The following SLIT1 variants were observed in gnomAD, a reference collection of about 807,000 sequenced individuals.
SLIT1 encodes the protein slit guidance ligand 1.
In SLIT1, 66 loss-of-function variants were observed where a neutral mutation model predicts 186.1. The observed-to-expected ratio is 0.35, with a 90% CI of 0.29 to 0.44. The LOEUF is 0.44. Ranked by LOEUF, SLIT1 falls within the 20% of genes least tolerant of loss-of-function variation. SLIT1 has a pLI of 1.00. For synonymous variants in SLIT1, 761 were observed against 833.8 expected, an observed-to-expected ratio of 0.91 and a Z score of 1.50; for missense variants, 1,638 against 2,037.4, an observed-to-expected ratio of 0.80 and a Z score of 3.77.
chr10:97,152,561 T>G (rs1849893195), intron 4 of SLIT1, among the ~76,000 whole-genome samples: 1 of 152,240 alleles, frequency 6.6e-6, no homozygotes, highest in Non-Finnish European at 1.5e-5. Flanking sequence ...TTACTATCTG[T>G]ATCTCACAGA....
intron 11 of SLIT1, 118 bp downstream of exon 11, chr10:97,059,342 C>A: frequency 1.2e-6 from 1 of 800,622 alleles, no homozygotes; most frequent in Non-Finnish European, 2.1e-6. Flanking sequence ...TGGGCAGGGG[C>A]TGTGTGGAGG....
chr10:97,010,879 C>A lies in SLIT1; in HGVS notation c.3341+114G>T. Reference sequence around the variant, plus strand: ...GAGCCACGGTTAAAACCCCAGCATCCAACTTCCAGGCTCTGACCCACACCC... The same window carrying A: ...GAGCCACGGTTAAAACCCCAGCATCAAACTTCCAGGCTCTGACCCACACCC... On this transcript the variant is annotated intron_variant, in intron 31 of 36. Coordinates refer to ENST00000266058, the MANE Select transcript of SLIT1 (RefSeq NM_003061.3). This position sits in a 1 kb window ranked among gnomAD's most constrained non-coding sequence, Gnocchi z 4.8. 2 of 1,019,782 alleles carry A rather than the reference C, an allele frequency of 2.0e-6. No individual in the cohort carries two copies. The highest frequency in any genetic ancestry group is 5.0e-5 in the East Asian group (2 of 39,786). 63.2% of individuals were successfully genotyped at this position (1,019,782 alleles called of 1,614,324 possible). A position where few individuals can be genotyped will look rare whatever the true frequency, so the allele number is the denominator to read the frequency against.
intron 4 of SLIT1, among the ~76,000 whole-genome samples, chr10:97,156,851 C>T (rs964330930): frequency 6.6e-6 from 1 of 151,834 alleles, no homozygotes; most frequent in African/African-American, 2.4e-5. Flanking sequence ...ACCCATAGCT[C>T]CTTCAGGGAC....
At position 97,014,004 on chromosome 10, in the gene SLIT1, C is replaced by T; in HGVS notation, c.3109+15G>A. Reference sequence around the variant, plus strand: ...TCCCCACCTCCCCCAGACACTGCTGCCCTGACGCACTTACCCTCATACTGC... The same window carrying T: ...TCCCCACCTCCCCCAGACACTGCTGTCCTGACGCACTTACCCTCATACTGC... On this transcript the variant is annotated intron_variant, in intron 29 of 36. Transcript: ENST00000266058. The T allele has an allele frequency of 6.2e-7, 1 of 1,612,174 alleles. No individual in the cohort carries two copies. The highest frequency in any genetic ancestry group is 8.5e-7 in the Non-Finnish European group (1 of 1,179,810).
At chr10:97,041,763 G>A (rs899748330) in intron 20 of SLIT1, among the ~76,000 whole-genome samples, 4 of 152,088 alleles carry the variant, frequency 2.6e-5, no homozygotes, top group Non-Finnish European at 5.9e-5. Flanking sequence ...GAGCCTCCGC[G>A]CCTGGCCTGT....
In SLIT1 at chr10:97,010,953, C is replaced by A. The variant is rs766142461; in HGVS notation, c.3341+40G>T. On this transcript the variant is annotated intron_variant, in intron 31 of 36. Coordinates refer to ENST00000266058, the MANE Select transcript of SLIT1 (RefSeq NM_003061.3). The surrounding 1 kb of genome is among the most constrained non-coding windows in gnomAD (Gnocchi z 4.8). ...CTCCTGCCAGCCCAGGGGCTGACAG[C>A]CACAAGGAGTCACTCCTAGTGTGTC... is the stretch of plus-strand genomic sequence containing the variant. 6.3e-7 allele frequency: 1 copy of A among 1,597,420 alleles called. No individual in the cohort carries two copies. Among genetic ancestry groups the A allele is most frequent in the Non-Finnish European group, 8.5e-7 (1 of 1,169,900 alleles).
chr10:97,080,599 C>T (rs766242633), intron 4 of SLIT1, among the ~76,000 whole-genome samples: 5 of 152,230 alleles, frequency 3.3e-5, no homozygotes, highest in Non-Finnish European at 5.9e-5. Context: ...CCAAGCTCCA[C>T]CATTCCTCTG....
chr10:97,088,003 A>G (rs976269664), intron 4 of SLIT1, among the ~76,000 whole-genome samples: 2 of 151,974 alleles, frequency 1.3e-5, no homozygotes, highest in Non-Finnish European at 2.9e-5. Flanking sequence ...TAATAAGGCG[A>G]TTTGTGCGTG....
chr10:97,064,758 T>A (rs1848928177), intron 6 of SLIT1, 47 bp downstream of exon 6: 7 of 1,455,996 alleles, frequency 4.8e-6, no homozygotes, highest in Non-Finnish European at 5.6e-6. Flanking sequence ...GGCACCTGCC[T>A]AGCAGGGCCC....
intron 9 of SLIT1, 107 bp downstream of exon 9, chr10:97,060,533 G>A (rs1848883437): frequency 7.3e-7 from 1 of 1,374,672 alleles, no homozygotes; most frequent in Admixed American, 2.0e-5. Context: ...GCCACTGAGG[G>A]GTTGGGGCAA....
chr10:97,121,282 G>A (rs557156835), intron 4 of SLIT1, among the ~76,000 whole-genome samples: 6 of 152,222 alleles, frequency 3.9e-5, no homozygotes, highest in East Asian at 3.9e-4. Context: ...GAGAAGCCAC[G>A]CTGAAGGCAG....
intron 4 of SLIT1, among the ~76,000 whole-genome samples, chr10:97,097,864 T>G (rs1417000781): frequency 6.6e-6 from 1 of 152,254 alleles, no homozygotes; most frequent in Non-Finnish European, 1.5e-5. Context: ...CGTACTTCTC[T>G]GCCATGCCCT....
At position 97,002,227 on chromosome 10, in the gene SLIT1, G is replaced by T; in HGVS notation, c.4297C>A (p.Gln1433Lys). 1 of 1,589,242 alleles carries T rather than the reference G, an allele frequency of 6.3e-7. No homozygotes were observed. Among genetic ancestry groups the T allele is most frequent in the Non-Finnish European group, 8.6e-7 (1 of 1,165,804 alleles). Residue 1433 changes from glutamine to lysine, a missense_variant, in exon 36 of 37, where the codon CAG becomes AAG. This residue lies in a region of SLIT1 where 220 missense variants were observed against 211.3 expected (regional missense o/e 1.04). Transcript: ENST00000266058. ...TGTGCCCCCTTGGTGCCTGAGGCCT[G>T]GCAGTGGCCATGCAGGCACTGCAGG... ...RGLQCLHGHCQASGTKGAHCV... is the reference protein window; with the variant it reads ...RGLQCLHGHCKASGTKGAHCV...
chr10:97,056,244 G>A, intron 13 of SLIT1, 77 bp downstream of exon 13: 4 of 1,516,602 alleles, frequency 2.6e-6, no homozygotes, highest in Non-Finnish European at 3.6e-6. Flanking sequence ...CCGGAGAGCT[G>A]CCTGTCCCTG....
chr10:97,125,977 GAAGA>G (rs1019677267), intron 4 of SLIT1, among the ~76,000 whole-genome samples: 54 of 152,280 alleles, frequency 3.5e-4, no homozygotes, highest in African/African-American at 1.3e-3. Flanking sequence ...CTCCCATTCT[GAAGA>G]AAGAGAGAGA....
chr10:97,135,746 T>C (rs890115779), intron 4 of SLIT1, among the ~76,000 whole-genome samples: 1 of 152,206 alleles, frequency 6.6e-6, no homozygotes, highest in Non-Finnish European at 1.5e-5. Flanking sequence ...CAGAAGGGGA[T>C]GTAAACAGCC....
At chr10:97,059,651 T>C in intron 10 of SLIT1, 120 bp from the exon 11 acceptor site, 4 of 749,404 alleles carry the variant, frequency 5.3e-6, no homozygotes, top group Non-Finnish European at 9.5e-6. Flanking sequence ...GAAATGAGAA[T>C]AGTGAGAGGC....
chr10:97,049,528 C>G (rs928769447), intron 13 of SLIT1, among the ~76,000 whole-genome samples: 5 of 152,214 alleles, frequency 3.3e-5, no homozygotes, highest in Admixed American at 3.3e-4. Flanking sequence ...GAGAGGGTAA[C>G]AAAACCCAGG....
chr10:97,163,558 G>T, intron 2 of SLIT1, 107 bp from the exon 3 acceptor site: 3 of 889,844 alleles, frequency 3.4e-6, no homozygotes, highest in South Asian at 1.4e-5. Flanking sequence ...GGCAGCATTA[G>T]CAAGGGAGTA....
Sources: gnomAD v4.1 joint callset for allele counts (sites outside exome capture counted in the v4.1 genomes callset) on GRCh38, gnomAD v4.1.1 for gene constraint, gnomAD v4.1.1 regional missense constraint, Gnocchi (gnomAD v3.1) non-coding constraint, MANE v1.5 for transcripts, NCBI Gene and HGNC (gene_info 2026-07-23, HGNC 2026-07-21) for gene names.